The following SRGAP3 variants were observed in gnomAD, a reference collection of about 807,000 sequenced individuals.
SRGAP3 encodes the protein SLIT-ROBO Rho GTPase activating protein 3.
In SRGAP3, 39 loss-of-function variants were observed where a neutral mutation model predicts 121.1. The ratio of observed to expected loss-of-function variants is 0.32; its 90% confidence interval spans 0.25 to 0.42. The LOEUF is 0.42. SRGAP3 is among the 10% of genes least tolerant of loss of function. The pLI is 1.00. For missense variants in SRGAP3, 1,213 were observed against 1,470.6 expected (o/e 0.82, Z 2.86); for synonymous variants, 601 against 570.0 (o/e 1.05, Z -0.77).
At chr3:9,245,413 G>C (rs761944095) in intron 1 of SRGAP3, among the ~76,000 whole-genome samples, 7 of 152,160 alleles carry the variant, frequency 4.6e-5, no homozygotes, top group Non-Finnish European at 7.3e-5. Flanking sequence ...TGCAACCCAG[G>C]ATGCAGTAGA....
chr3:9,189,067 C>T (rs1560379063), intron 1 of SRGAP3, among the ~76,000 whole-genome samples: 1 of 152,172 alleles, frequency 6.6e-6, no homozygotes, highest in South Asian at 2.1e-4. Context: ...AGACAAAACA[C>T]TTGTCTAGAT....
intron 1 of SRGAP3, among the ~76,000 whole-genome samples, chr3:9,152,708 C>T (rs1950255397): frequency 6.6e-6 from 1 of 152,200 alleles, no homozygotes; most frequent in South Asian, 2.1e-4. Context: ...TTGTGGTGGT[C>T]TCTGTGATGG....
At position 9,025,265 on chromosome 3, in the gene SRGAP3, C is replaced by A; in HGVS notation, c.1674G>T (p.Glu558Asp). ...VEVNDIKNSF[E>D]RGEDPLVDDQ... ...AGATGGTCGCTCTGCACCCACCTCT[C>A]TCAAAGGAATTTTTGATGTCATTGA... The change falls in exon 14 of 22, where the codon GAG (glutamate) becomes GAT (aspartate). Residue 558 changes from glutamate to aspartate, a missense_variant. By Grantham distance (45) the Glu-to-Asp change is conservative. Around this residue, in one of 2 missense-constraint regions of SRGAP3, gnomAD observed 793 missense variants for 1,032.9 expected, o/e 0.77. Coordinates refer to ENST00000383836, the MANE Select transcript of SRGAP3 (RefSeq NM_014850.4). 6.2e-7 allele frequency: 1 copy of A among 1,614,178 alleles called. No individual in the cohort carries two copies. Among genetic ancestry groups the A allele is most frequent in the East Asian group, 2.2e-5 (1 of 44,882 alleles).
chr3:9,303,361 G>C (rs181017511), intron 3 of SRGAP3, among the ~76,000 whole-genome samples: 2 of 151,428 alleles, frequency 1.3e-5, no homozygotes, highest in Admixed American at 1.3e-4. Context: ...GGAGGTGGAG[G>C]TTGCAGCAAG....
At chr3:9,080,764 G>T (rs908279476) in intron 3 of SRGAP3, among the ~76,000 whole-genome samples, 29 of 152,080 alleles carry the variant, frequency 1.9e-4, no homozygotes, top group Admixed American at 3.3e-4. Flanking sequence ...GCATGTGGGG[G>T]ATCTAGGTTG....
At chr3:9,043,349 C>T (rs886682894) in intron 10 of SRGAP3, among the ~76,000 whole-genome samples, 4 of 152,134 alleles carry the variant, frequency 2.6e-5, no homozygotes, top group Admixed American at 6.6e-5. Flanking sequence ...AGTTTGTTTA[C>T]CGTTTGAGGT....
intron 1 of SRGAP3, chr3:9,192,636 T>G (rs1446891149): frequency 6.6e-6 from 1 of 152,248 alleles, no homozygotes; most frequent in Non-Finnish European, 1.5e-5. Context: ...CTTGGATGAT[T>G]TTAACCTGTC....
At chr3:9,343,793 C>T (rs1419914582) in intron 1 of SRGAP3, among the ~76,000 whole-genome samples, 1 of 152,124 alleles carries the variant, frequency 6.6e-6, no homozygotes, top group Admixed American at 6.5e-5. Context: ...ACCTCAGCAT[C>T]CCGAGGAGCA....
At chr3:9,167,267 C>A (rs956793521) in intron 1 of SRGAP3, among the ~76,000 whole-genome samples, 1 of 152,184 alleles carries the variant, frequency 6.6e-6, no homozygotes, top group Non-Finnish European at 1.5e-5. Context: ...TCACTCTCCC[C>A]ACAATTCCAA....
Position 9,239,144 on chromosome 3 carries a change from C to T in SRGAP3, c.67+9741G>A, listed in dbSNP as rs540051414. ...CCTATAATCCCAGCATTTTGGGAGG[C>T]CAAGGTGGGAGGATCACTTGAGGTC... On this transcript the variant is annotated intron_variant, in intron 1 of 21. Transcript: ENST00000383836. The surrounding 1 kb of genome is among the most constrained non-coding windows in gnomAD (Gnocchi z 4.0). 4.4e-4 allele frequency among the ~76,000 whole-genome samples: 67 copies of T among 152,214 alleles called. No individual in the cohort carries two copies. The highest frequency in any genetic ancestry group is 4.0e-3 in the South Asian group (19 of 4,804).
chr3:9,336,880 C>T (rs948614175), intron 1 of SRGAP3, among the ~76,000 whole-genome samples: 2 of 151,998 alleles, frequency 1.3e-5, no homozygotes, highest in Non-Finnish European at 2.9e-5. Flanking sequence ...ATTATAGAGG[C>T]TGCCAATTTC....
At chr3:9,357,500 C>T (rs1027945674) in intron 1 of SRGAP3, among the ~76,000 whole-genome samples, 3 of 151,708 alleles carry the variant, frequency 2.0e-5, no homozygotes, top group African/African-American at 7.3e-5. Flanking sequence ...CTTCTGCCTC[C>T]CAATTAGCTG....
chr3:9,355,356 T>G (rs1263774959), intron 1 of SRGAP3, among the ~76,000 whole-genome samples: 1 of 152,170 alleles, frequency 6.6e-6, no homozygotes, highest in Non-Finnish European at 1.5e-5. Context: ...GCAGCCAGAG[T>G]GATTGTCTGT....
chr3:9,352,116 C>G (rs1421596940), intron 1 of SRGAP3, among the ~76,000 whole-genome samples: 1 of 152,100 alleles, frequency 6.6e-6, no homozygotes, highest in Non-Finnish European at 1.5e-5. Context: ...TGATTACCCT[C>G]CCCTGTCCTG....
chr3:9,026,718 C>G (rs1944224961), intron 13 of SRGAP3, among the ~76,000 whole-genome samples: 1 of 152,166 alleles, frequency 6.6e-6, no homozygotes, highest in South Asian at 2.1e-4. Context: ...TCCAGTTTTC[C>G]TAGGTCTTGG....
intron 1 of SRGAP3, among the ~76,000 whole-genome samples, chr3:9,131,011 G>T (rs1560221606): frequency 2.6e-5 from 4 of 152,200 alleles, no homozygotes; most frequent in Admixed American, 2.6e-4. Flanking sequence ...GCAGGAAATG[G>T]CCCTGGCAGA....
chr3:9,064,407 T>C lies in SRGAP3; in HGVS notation c.661A>G (p.Met221Val). Residue 221 changes from methionine (M) to valine (V), a missense_variant, in exon 5 of 22, where the codon ATG (methionine) becomes GTG (valine). By Grantham distance (21) the Met-to-Val change is conservative (BLOSUM62 1). Transcript: ENST00000383836. ...RRSSVKKIEK[M>V]KEKRQAKYSE... ...GGGCCCCCACTCACCTTCTCCTTCA[T>C]CTTCTCAATCTTCTTCACAGAGCTG... The C allele has an allele frequency of 1.2e-6, 2 of 1,614,178 alleles. No homozygotes were observed.
At chr3:9,173,540 T>C (rs1467301211) in intron 1 of SRGAP3, among the ~76,000 whole-genome samples, 2 of 152,126 alleles carry the variant, frequency 1.3e-5, no homozygotes, top group African/African-American at 2.4e-5. Context: ...GAGGAGAAGA[T>C]GATGGGGAGA....
intron 3 of SRGAP3, among the ~76,000 whole-genome samples, chr3:9,320,871 T>C (rs1955427782): frequency 6.6e-6 from 1 of 151,758 alleles, no homozygotes; most frequent in South Asian, 2.1e-4. Context: ...TACATAAAAA[T>C]TTACTCTGAA....
Sources: allele counts gnomAD v4.1 joint callset (sites outside exome capture counted in the v4.1 genomes callset), GRCh38; gene constraint gnomAD v4.1.1; regional missense constraint gnomAD v4.1.1; non-coding constraint Gnocchi (gnomAD v3.1); transcripts MANE v1.5; gene names NCBI Gene and HGNC (gene_info 2026-07-23, HGNC 2026-07-21).